Variants in ASTN2 observed in about 807,000 individuals in gnomAD.
ASTN2 encodes astrotactin 2.
ASTN2 carries 54 observed loss-of-function variants against 139.8 expected under a neutral mutation model. The observed-to-expected ratio is 0.39, with a 90% CI of 0.31 to 0.48. The LOEUF is 0.48. ASTN2 is among the 20% of genes least tolerant of loss of function. The probability of loss-of-function intolerance (pLI) is 0.95; values close to 1 mark genes in which losing one functional copy is unlikely to be tolerated. For synonymous variants in ASTN2, 756 were observed against 719.5 expected, an observed-to-expected ratio of 1.05 and a Z score of -0.81; for missense variants, 1,565 against 1,725.1, an observed-to-expected ratio of 0.91 and a Z score of 1.64.
chr9:116,498,744 G>A (rs1159618194), intron 19 of ASTN2, among the ~76,000 whole-genome samples: 1 of 152,140 alleles, frequency 6.6e-6, no homozygotes, highest in Admixed American at 6.5e-5. Flanking sequence ...GCCAGGTAAG[G>A]TAATAAAAAT....
chr9:116,778,410 A>C (rs150254999), intron 13 of ASTN2, among the ~76,000 whole-genome samples: 1 of 75,786 alleles, frequency 1.3e-5, no homozygotes, highest in Non-Finnish European at 3.1e-5. Flanking sequence ...TTATTTTATT[A>C]CTATTATTTT....
intron 1 of ASTN2, among the ~76,000 whole-genome samples, chr9:117,333,544 G>T (rs987923765): frequency 1.3e-5 from 2 of 152,114 alleles, no homozygotes; most frequent in Non-Finnish European, 1.5e-5. Context: ...GTTATTGCAG[G>T]GGGGGTTGGA....
At chr9:117,407,121 C>G (rs1280009953) in intron 1 of ASTN2, among the ~76,000 whole-genome samples, 1 of 152,120 alleles carries the variant, frequency 6.6e-6, no homozygotes, top group African/African-American at 2.4e-5. Flanking sequence ...AAGTTGACAC[C>G]TGAATTCGGT....
chr9:117,092,808 A>G (rs549689004), intron 5 of ASTN2, among the ~76,000 whole-genome samples: 20 of 152,274 alleles, frequency 1.3e-4, no homozygotes, highest in Non-Finnish European at 2.1e-4. Context: ...TGCCTTTGCT[A>G]AAGAGGAGCT....
At chr9:116,814,027 C>T (rs1831238765) in intron 12 of ASTN2, among the ~76,000 whole-genome samples, 1 of 140,240 alleles carries the variant, frequency 7.1e-6, no homozygotes, top group Non-Finnish European at 1.5e-5. Flanking sequence ...CAGAGCAAGA[C>T]TCTGTCTCAA....
chr9:116,544,433 A>C (rs566203171), intron 19 of ASTN2, among the ~76,000 whole-genome samples: 2 of 152,308 alleles, frequency 1.3e-5, no homozygotes, highest in African/African-American at 4.8e-5. Context: ...ACATGATAGT[A>C]GTAGGTCTTT....
chr9:117,067,747 G>A (rs1827995519), intron 5 of ASTN2, among the ~76,000 whole-genome samples: 1 of 89,878 alleles, frequency 1.1e-5, no homozygotes, highest in South Asian at 4.7e-4. Context: ...GGATTCCTAG[G>A]TATTTTATTC....
At chr9:116,706,760 A>ATTTTTTTT (rs60395133) in intron 16 of ASTN2, among the ~76,000 whole-genome samples, 9 of 88,042 alleles carry the variant, frequency 1.0e-4, no homozygotes, top group Admixed American at 1.5e-4. Context: ...GCTGGCTAGA[A>ATTTTTTTT]TTTTTTTTTT....
chr9:117,156,759 A>T (rs1830441831), intron 3 of ASTN2, among the ~76,000 whole-genome samples: 1 of 152,078 alleles, frequency 6.6e-6, no homozygotes, highest in South Asian at 2.1e-4. Context: ...GGCAGGTCAG[A>T]CCACTGACAA....
chr9:117,065,761 C>A (rs1284942940), intron 5 of ASTN2, among the ~76,000 whole-genome samples: 4 of 152,136 alleles, frequency 2.6e-5, no homozygotes, highest in Non-Finnish European at 5.9e-5. Flanking sequence ...TATCTATCAA[C>A]CTTTCCTTTC....
intron 10 of ASTN2, among the ~76,000 whole-genome samples, chr9:116,912,610 C>T (rs891556610): frequency 1.3e-5 from 2 of 152,110 alleles, no homozygotes; most frequent in East Asian, 1.9e-4. Context: ...GTATTTCATC[C>T]GGAGAATGAT....
At chr9:117,180,905 C>G (rs1760216525) in intron 3 of ASTN2, 1 of 1,592,198 alleles carries the variant, frequency 6.3e-7, no homozygotes, top group Non-Finnish European at 8.5e-7. Context: ...GCCTCAATTA[C>G]ATGCTCCTTG....
chr9:116,513,092 G>C (rs1850474451), intron 19 of ASTN2, among the ~76,000 whole-genome samples: 1 of 152,170 alleles, frequency 6.6e-6, no homozygotes, highest in African/African-American at 2.4e-5. Flanking sequence ...TTTCTTCCTA[G>C]CATTGATGGT....
chr9:116,436,419 A>G (rs1417687006), intron 22 of ASTN2, among the ~76,000 whole-genome samples: 2 of 152,202 alleles, frequency 1.3e-5, no homozygotes, highest in African/African-American at 4.8e-5. Flanking sequence ...CATCTGGTCC[A>G]CACATTTAAA....
chr9:116,755,319 G>A (rs996673974), intron 13 of ASTN2, among the ~76,000 whole-genome samples: 7 of 152,064 alleles, frequency 4.6e-5, no homozygotes, highest in Admixed American at 1.3e-4. Context: ...CCTGAGAATC[G>A]CAGAATGTGT....
chr9:117,209,589 TC>T (rs1193710558), intron 3 of ASTN2, among the ~76,000 whole-genome samples: 1 of 151,986 alleles, frequency 6.6e-6, no homozygotes, highest in Non-Finnish European at 1.5e-5. Context: ...AGAGACAGAC[TC>T]CAGTAAAATA....
chr9:116,483,079 C>G (rs1849225147), intron 20 of ASTN2, among the ~76,000 whole-genome samples: 1 of 152,214 alleles, frequency 6.6e-6, no homozygotes, highest in Non-Finnish European at 1.5e-5. Flanking sequence ...GGGCAGGGAC[C>G]ATGGATGCCC....
rs137975737 is a variant in ASTN2 at position 117,392,410 on chromosome 9, A to G, written c.442+22087T>C. On this transcript the variant is annotated intron_variant, in intron 1 of 22. Coordinates refer to ENST00000313400, the MANE Select transcript of ASTN2 (RefSeq NM_001365068.1). ...TAAATCTACCCTGCAGATAGGCACAAAGGTTACTAGCTTATTTTCTTTTCT... is the reference window on the plus strand; with the variant it reads ...TAAATCTACCCTGCAGATAGGCACAGAGGTTACTAGCTTATTTTCTTTTCT... Among the ~76,000 whole-genome samples the G allele has an allele frequency of 2.3e-3, 356 of 152,306 alleles. 1 individual carries two copies. The highest frequency in any genetic ancestry group is 8.3e-3 in the African/African-American group (345 of 41,560).
intron 16 of ASTN2, among the ~76,000 whole-genome samples, chr9:116,681,470 A>G (rs1220938918): frequency 6.6e-6 from 1 of 152,222 alleles, no homozygotes; most frequent in Non-Finnish European, 1.5e-5. Context: ...TACAGATTCA[A>G]TGCCATCCCC....
Sources: allele counts gnomAD v4.1 joint callset (sites outside exome capture counted in the v4.1 genomes callset), GRCh38; gene constraint gnomAD v4.1.1; transcripts MANE v1.5; gene names NCBI Gene and HGNC (gene_info 2026-07-23, HGNC 2026-07-21).